HHLA2: variants seen among roughly 807,000 people sequenced by gnomAD.
HHLA2 encodes HERV-H LTR-associating protein 2.
Under a neutral mutation model 45.9 loss-of-function variants are expected in HHLA2, and 48 were observed. The ratio of observed to expected loss-of-function variants is 1.05; its 90% CI spans 0.83 to 1.33. The LOEUF (loss-of-function observed/expected upper bound fraction) is 1.33. Among genes scored for constraint, HHLA2 ranks in the 40% most tolerant of loss-of-function variants. The pLI is 0.00. For synonymous variants in HHLA2, 161 were observed against 173.9 expected (o/e 0.93, Z 0.59); for missense variants, 462 against 494.3 (o/e 0.93, Z 0.62).
chr3:108,325,670 A>G (rs1341111145), intron 2 of HHLA2: 1 of 236,146 alleles, frequency 4.2e-6, no homozygotes. Context: ...AATTGCCAAA[A>G]ATCGTTATAG....
chr3:108,316,473 A>G (rs2081104589), intron 2 of HHLA2, among the ~76,000 whole-genome samples: 2 of 152,208 alleles, frequency 1.3e-5, no homozygotes, highest in Non-Finnish European at 2.9e-5. Context: ...TCTGGCTTAG[A>G]ATCCTTCCTT....
At chr3:108,375,259 C>G (rs2082251389) in intron 8 of HHLA2, among the ~76,000 whole-genome samples, 1 of 147,610 alleles carries the variant, frequency 6.8e-6, no homozygotes, top group Non-Finnish European at 1.5e-5. Context: ...TATTCTCACT[C>G]ATAGGTGGGA....
chr3:108,357,877 C>G lies in HHLA2; in HGVS notation c.719C>G (p.Ser240Ter), dbSNP rs1168514511. The change falls in exon 7 of 11, where the codon TCA becomes TGA. Residue 240 changes from serine (S) to a stop codon, truncating the protein, a stop_gained. Coordinates refer to ENST00000619531, the Ensembl canonical transcript of HHLA2. LOFTEE classifies it high-confidence loss of function. ...CATAAAATGCAAAGTGAACACGTTTCACTCTCATGTCAACCTGTAAATGAT... is the reference window on the plus strand; with the variant it reads ...CATAAAATGCAAAGTGAACACGTTTGACTCTCATGTCAACCTGTAAATGAT... The G allele has an allele frequency of 6.2e-7, 1 of 1,612,918 alleles. No individual in the cohort carries two copies.
intron 3 of HHLA2, among the ~76,000 whole-genome samples, chr3:108,333,726 T>C (rs1259735178): frequency 1.3e-5 from 2 of 152,196 alleles, no homozygotes; most frequent in African/African-American, 4.8e-5. Flanking sequence ...ATTGCTATAG[T>C]ACTCACCAGT....
intron 2 of HHLA2, among the ~76,000 whole-genome samples, chr3:108,312,331 A>G (rs369169262): frequency 2.4e-4 from 37 of 152,368 alleles, no homozygotes; most frequent in African/African-American, 8.2e-4. Flanking sequence ...TTCTTTATCA[A>G]AAACCTGTGG....
intron 2 of HHLA2, among the ~76,000 whole-genome samples, chr3:108,320,063 C>T (rs959045639): frequency 6.6e-6 from 1 of 152,124 alleles, no homozygotes. Flanking sequence ...ATAAATTCTG[C>T]AAGATAGGTT....
chr3:108,337,807 G>A (rs964580047), intron 3 of HHLA2, among the ~76,000 whole-genome samples: 4 of 152,212 alleles, frequency 2.6e-5, no homozygotes, highest in Admixed American at 1.3e-4. Flanking sequence ...TTGGTGCTTG[G>A]TCATTCTTCC....
chr3:108,319,211 A>AC (rs945026267), intron 2 of HHLA2, among the ~76,000 whole-genome samples: 4 of 150,166 alleles, frequency 2.7e-5, no homozygotes, highest in Non-Finnish European at 6.0e-5. Context: ...CTAGTAAAAT[A>AC]CTTTTTTTTT....
chr3:108,376,506 C>A, exon 10 of HHLA2: 1 of 1,603,044 alleles, frequency 6.2e-7, no homozygotes, highest in Non-Finnish European at 8.5e-7. Context: ...GATGTTGTGT[C>A]CCTCCTGGTG....
At chr3:108,365,668 G>A (rs62266250) in intron 8 of HHLA2, among the ~76,000 whole-genome samples, 12,098 of 152,082 alleles carry the variant, frequency 0.08, 661 homozygotes, top group African/African-American at 0.16. Context: ...TTGAGCAGTG[G>A]TTTGTAGTTC....
intron 2 of HHLA2, among the ~76,000 whole-genome samples, chr3:108,323,496 T>C (rs2081239543): frequency 6.6e-6 from 1 of 152,186 alleles, no homozygotes; most frequent in Admixed American, 6.6e-5. Context: ...ATTATAAACA[T>C]GTATTTAAGC....
At chr3:108,328,875 G>A (rs1362025473) in intron 3 of HHLA2, among the ~76,000 whole-genome samples, 5 of 152,116 alleles carry the variant, frequency 3.3e-5, no homozygotes, top group African/African-American at 7.2e-5. Flanking sequence ...GGGAGGAGGC[G>A]GAATTGTGGA....
At chr3:108,310,468 T>G (rs1397309822) in intron 1 of HHLA2, among the ~76,000 whole-genome samples, 187 bp from the exon 2 acceptor site, 4 of 152,198 alleles carry the variant, frequency 2.6e-5, no homozygotes, top group African/African-American at 9.7e-5. Flanking sequence ...TTAATTTTTT[T>G]GAAATTTCTT....
chr3:108,331,523 A>G (rs2081385154), intron 3 of HHLA2, among the ~76,000 whole-genome samples: 1 of 152,186 alleles, frequency 6.6e-6, no homozygotes, highest in Non-Finnish European at 1.5e-5. Flanking sequence ...ACTACCTCAT[A>G]TAATCACATG....
At chr3:108,355,973 G>A (rs1212649306) in intron 6 of HHLA2, among the ~76,000 whole-genome samples, 1 of 146,932 alleles carries the variant, frequency 6.8e-6, no homozygotes, top group East Asian at 2.0e-4. Context: ...TCCAAAACCT[G>A]TTTAATAAAA....
chr3:108,363,681 T>C (rs2082016288), intron 8 of HHLA2, among the ~76,000 whole-genome samples: 1 of 152,176 alleles, frequency 6.6e-6, no homozygotes, highest in African/African-American at 2.4e-5. Context: ...TGACCTAATA[T>C]ACTGATATTT....
intron 3 of HHLA2, chr3:108,328,495 A>G: frequency 1.6e-6 from 1 of 615,870 alleles, no homozygotes; most frequent in Non-Finnish European, 2.7e-6. Flanking sequence ...GAATATTATT[A>G]TCCCTGTTAC....
intron 8 of HHLA2, among the ~76,000 whole-genome samples, chr3:108,364,841 CTGT>C (rs1459807947): frequency 6.6e-6 from 1 of 151,968 alleles, no homozygotes; most frequent in Non-Finnish European, 1.5e-5. Context: ...TTTGATGGGG[CTGT>C]TTATTTTTTT....
At chr3:108,355,428 G>T (rs934079971) in intron 6 of HHLA2, 47 bp downstream of exon 5, 3 of 1,553,208 alleles carry the variant, frequency 1.9e-6, no homozygotes, top group Non-Finnish European at 2.6e-6. Flanking sequence ...TTCAAAGTTG[G>T]GGGGTAATGG....
Sources: allele counts gnomAD v4.1 joint callset (sites outside exome capture counted in the v4.1 genomes callset), GRCh38; gene constraint gnomAD v4.1.1; transcripts MANE v1.5; gene names NCBI Gene and HGNC (gene_info 2026-07-23, HGNC 2026-07-21).